The following RIMBP2 variants were observed in gnomAD, a reference collection of about 807,000 sequenced individuals.
The protein encoded by RIMBP2 is RIMS-binding protein 2.
Under a neutral mutation model 118.6 loss-of-function variants are expected in RIMBP2, and 48 were observed. The ratio of observed to expected loss-of-function variants is 0.40; its 90% CI spans 0.32 to 0.51. The LOEUF (loss-of-function observed/expected upper bound fraction) is 0.51, where lower values mean the gene tolerates loss of function less well. RIMBP2 is among the 20% of genes least tolerant of loss of function. RIMBP2 has a pLI of 0.41. For synonymous variants in RIMBP2, 762 were observed against 742.9 expected, an observed-to-expected ratio of 1.03 and a Z score of -0.42; for missense variants, 1,551 against 1,768.3, an observed-to-expected ratio of 0.88 and a Z score of 2.20.
intron 5 of RIMBP2, among the ~76,000 whole-genome samples, chr12:130,477,157 G>A (rs746027371): frequency 6.6e-6 from 1 of 152,220 alleles, no homozygotes; most frequent in African/African-American, 2.4e-5. Flanking sequence ...AATGGTGAGT[G>A]CGGGGGGATA....
chr12:130,574,116 G>A (rs1269436320), intron 2 of RIMBP2, among the ~76,000 whole-genome samples: 1 of 152,158 alleles, frequency 6.6e-6, no homozygotes, highest in African/African-American at 2.4e-5. Context: ...GATTTAGAGT[G>A]AAACATAACT....
At chr12:130,693,034 G>A (rs2065399634) in intron 1 of RIMBP2, among the ~76,000 whole-genome samples, 1 of 152,082 alleles carries the variant, frequency 6.6e-6, no homozygotes, top group South Asian at 2.1e-4. Context: ...CCATTTTACA[G>A]ACAAGAAAAC....
chr12:130,617,865 G>T lies in RIMBP2; in HGVS notation c.-217+10457C>A, dbSNP rs1324286576. On this transcript the variant is annotated intron_variant, in intron 2 of 22. Coordinates refer to ENST00000690449, the MANE Select transcript of RIMBP2 (RefSeq NM_001393629.1). The surrounding 1 kb of genome is among the most constrained non-coding windows in gnomAD (Gnocchi z 4.6). ...GATTGCATCAGCTGATTTTCAGATT[G>T]CCAGGTCTCTTTAGAACTGGGAGAT... is the stretch of plus-strand genomic sequence containing the variant. Among the ~76,000 whole-genome samples the T allele has an allele frequency of 1.3e-5, 2 of 152,020 alleles. No individual in the cohort carries two copies. The highest frequency in any genetic ancestry group is 6.5e-5 in the Admixed American group (1 of 15,270).
chr12:130,619,174 G>A (rs1419463072), intron 2 of RIMBP2, among the ~76,000 whole-genome samples: 2 of 152,102 alleles, frequency 1.3e-5, no homozygotes, highest in African/African-American at 4.8e-5. Flanking sequence ...ACAAACTTCT[G>A]CGCTATTTTC....
At chr12:130,610,129 T>G (rs2060428312) in intron 2 of RIMBP2, among the ~76,000 whole-genome samples, 1 of 149,008 alleles carries the variant, frequency 6.7e-6, no homozygotes, top group Non-Finnish European at 1.5e-5. Flanking sequence ...TCCCAGTCCC[T>G]CCCGTTCTGG....
chr12:130,633,465 C>T (rs1270464885), intron 1 of RIMBP2, among the ~76,000 whole-genome samples: 1 of 152,146 alleles, frequency 6.6e-6, no homozygotes, highest in East Asian at 1.9e-4. Flanking sequence ...TCCTCCTGAA[C>T]CACATCCTAT....
At position 130,652,971 on chromosome 12, in the gene RIMBP2, C is replaced by T. The variant is rs182520348; in HGVS notation, c.-351-24515G>A. On this transcript the variant is annotated intron_variant, in intron 1 of 22. Transcript: ENST00000690449. ...ACCCCCATGATCCAATCACCTCCCA[C>T]AAGGCCCCTTCCCAACAGTGAGGAT... is the stretch of plus-strand genomic sequence containing the variant. 2.4e-3 allele frequency among the ~76,000 whole-genome samples: 367 copies of T among 152,320 alleles called. 2 individuals are homozygous for T. Among genetic ancestry groups the T allele is most frequent in the African/African-American group, 7.9e-3 (330 of 41,582 alleles).
At chr12:130,691,328 C>T (rs1178639323) in intron 1 of RIMBP2, among the ~76,000 whole-genome samples, 1 of 152,194 alleles carries the variant, frequency 6.6e-6, no homozygotes, top group East Asian at 1.9e-4. Flanking sequence ...CAGGAACAGG[C>T]AGGTGGCTGT....
rs117907420 is a variant in RIMBP2 at position 130,500,560 on chromosome 12, T to C, written c.-4+6088A>G. Among the ~76,000 whole-genome samples the C allele has an allele frequency of 1.2e-3, 184 of 152,310 alleles. 1 individual carries two copies. In the East Asian group the frequency reaches 0.031, roughly 25 times the overall value. On this transcript the variant is annotated intron_variant, in intron 4 of 22. Transcript: ENST00000690449. The stretch of plus-strand genomic sequence containing the variant: ...GCAGGGCACGTTGTCTTTAGCTAAA[T>C]TGAATGATCACTATTAAGACAGGCG...
At chr12:130,660,657 TG>T in intron 1 of RIMBP2, 1 of 151,862 alleles carries the variant, frequency 6.6e-6, no homozygotes, top group Non-Finnish European at 1.5e-5. Flanking sequence ...GCTGCAGGAG[TG>T]GGGCCACCCT....
At position 130,456,434 on chromosome 12, in the gene RIMBP2, C is replaced by T. The variant is rs1304120574; in HGVS notation, c.358+62G>A. On this transcript the variant is annotated intron_variant, in intron 7 of 22. Coordinates refer to ENST00000690449, the MANE Select transcript of RIMBP2 (RefSeq NM_001393629.1). ...AACCGATTTCACCTGTGCACACCCTCGCAGGCAGCCAACGGCCATTCTCTC... is the reference window on the plus strand; with the variant it reads ...AACCGATTTCACCTGTGCACACCCTTGCAGGCAGCCAACGGCCATTCTCTC... 12 of 1,451,236 alleles carry T rather than the reference C, an allele frequency of 8.3e-6. No individual in the cohort carries two copies. The East Asian group carries it at 9.2e-5, about 11-fold the overall frequency. The allele number at this position is 1,451,236 out of a possible 1,614,324, so 89.9% of individuals were successfully genotyped here. A position where few individuals can be genotyped will look rare whatever the true frequency, so the allele number is the denominator to read the frequency against.
In RIMBP2 at chr12:130,475,525, A is replaced by G. The variant is rs139872675; in HGVS notation, c.102+3387T>C. Among the ~76,000 whole-genome samples the G allele has an allele frequency of 3.3e-5, 5 of 152,276 alleles. No homozygotes were observed. The highest frequency in any genetic ancestry group is 3.3e-4 in the Admixed American group (5 of 15,296). On this transcript the variant is annotated intron_variant, in intron 5 of 22. Transcript: ENST00000690449. The surrounding 1 kb of genome is among the most constrained non-coding windows in gnomAD (Gnocchi z 4.1). ...ATAGGATGGAGGAAGCTGAGGATGAAAGCACAAAGAGGCAGGGAGGAGACC... is the reference window on the plus strand; with the variant it reads ...ATAGGATGGAGGAAGCTGAGGATGAGAGCACAAAGAGGCAGGGAGGAGACC...
intron 5 of RIMBP2, among the ~76,000 whole-genome samples, chr12:130,477,694 C>T (rs1272137013): frequency 1.3e-5 from 2 of 152,244 alleles, no homozygotes; most frequent in Non-Finnish European, 2.9e-5. Flanking sequence ...ACAAGCTCTG[C>T]TAATAAACTC....
rs1447875321 is a variant in RIMBP2 at position 130,575,076 on chromosome 12, C to T, written c.-217+53246G>A. On this transcript the variant is annotated intron_variant, in intron 2 of 22. Coordinates refer to ENST00000690449, the MANE Select transcript of RIMBP2 (RefSeq NM_001393629.1). ...TCCTCCAGAATCACATCCCCCAACC[C>T]CACCCCCAGACGCCCTGTGCCAAGT... is the stretch of plus-strand genomic sequence containing the variant. Among the ~76,000 whole-genome samples the T allele has an allele frequency of 5.6e-4, 41 of 72,646 alleles. 1 individual carries two copies. Among genetic ancestry groups the T allele is most frequent in the Non-Finnish European group, 9.3e-4 (35 of 37,706 alleles). 47.7% of individuals were successfully genotyped at this position (72,646 alleles called of 152,430 possible). A position where few individuals can be genotyped will look rare whatever the true frequency, so the allele number is the denominator to read the frequency against.
At chr12:130,669,720 C>T (rs146698984) in intron 1 of RIMBP2, among the ~76,000 whole-genome samples, 49 of 152,256 alleles carry the variant, frequency 3.2e-4, no homozygotes, top group African/African-American at 1.1e-3. Flanking sequence ...AGTGTGAGAA[C>T]GGACGAACAC....
rs185078335 is a variant in RIMBP2, at chr12:130,441,018, C to T, written c.1504+830G>A. Among the ~76,000 whole-genome samples, 826 of 152,328 alleles carry T rather than the reference C, an allele frequency of 5.4e-3. 4 individuals carry two copies. The highest frequency in any genetic ancestry group is 7.6e-3 in the Non-Finnish European group (518 of 68,032). On this transcript the variant is annotated intron_variant, in intron 11 of 22. Coordinates refer to ENST00000690449, the MANE Select transcript of RIMBP2 (RefSeq NM_001393629.1). ...CCCAGGAAAGGAAGGGGGCACATCA[C>T]ACTCCCTGTTTGAGCGGAGATAGCA...
intron 2 of RIMBP2, among the ~76,000 whole-genome samples, chr12:130,555,438 C>G (rs11060996): frequency 0.12 from 17,905 of 152,236 alleles, 1,339 homozygotes; most frequent in Non-Finnish European, 0.18. Context: ...AGTATTTATA[C>G]TTTAGCCTCT....
chr12:130,686,938 G>A (rs182540657), intron 1 of RIMBP2, among the ~76,000 whole-genome samples: 2 of 152,320 alleles, frequency 1.3e-5, no homozygotes, highest in African/African-American at 2.4e-5. Context: ...CTCATTTGCC[G>A]GCGTATACCT....
At chr12:130,531,465 A>C (rs1057078254) in intron 2 of RIMBP2, among the ~76,000 whole-genome samples, 5 of 152,204 alleles carry the variant, frequency 3.3e-5, no homozygotes, top group African/African-American at 1.2e-4. Context: ...TTATCTCAAC[A>C]TTTTATCTAG....
Sources: gnomAD v4.1 joint callset for allele counts (sites outside exome capture counted in the v4.1 genomes callset) on GRCh38, gnomAD v4.1.1 for gene constraint, Gnocchi (gnomAD v3.1) non-coding constraint, MANE v1.5 for transcripts, NCBI Gene and HGNC (gene_info 2026-07-23, HGNC 2026-07-21) for gene names.